SLIT3: variants seen among roughly 807,000 people sequenced by gnomAD.
SLIT3 encodes slit homolog 3 protein.
Under a neutral mutation model 184.0 loss-of-function variants are expected in SLIT3, and 68 were observed. The observed-to-expected ratio is 0.37, with a 90% CI of 0.30 to 0.45. The LOEUF (loss-of-function observed/expected upper bound fraction) is 0.45. SLIT3 is among the 20% of genes least tolerant of loss of function. The probability of loss-of-function intolerance (pLI) is 1.00; values close to 1 mark genes in which losing one functional copy is unlikely to be tolerated. For missense variants in SLIT3, 1,707 were observed against 2,026.0 expected, an observed-to-expected ratio of 0.84 and a Z score of 3.02; for synonymous variants, 831 against 828.6, an observed-to-expected ratio of 1.00 and a Z score of -0.05.
At chr5:168,693,145 A>T (rs1053955222) in intron 28 of SLIT3, among the ~76,000 whole-genome samples, 1 of 152,206 alleles carries the variant, frequency 6.6e-6, no homozygotes, top group African/African-American at 2.4e-5. Context: ...TCCTACCCAC[A>T]GCCTATTTGG....
At chr5:168,985,447 G>T (rs575248353) in intron 4 of SLIT3, among the ~76,000 whole-genome samples, 1 of 152,278 alleles carries the variant, frequency 6.6e-6, no homozygotes, top group South Asian at 2.1e-4. Context: ...TCCTGGTGAT[G>T]ACAAACCAAG....
chr5:168,954,373 A>G (rs7721721), intron 4 of SLIT3, among the ~76,000 whole-genome samples: 73,207 of 151,772 alleles, frequency 0.48, 18,825 homozygotes, highest in African/African-American at 0.67. Flanking sequence ...TATAATGAAT[A>G]GCAATTATTT....
At chr5:169,166,358 T>C (rs1052711562) in intron 4 of SLIT3, among the ~76,000 whole-genome samples, 1 of 152,066 alleles carries the variant, frequency 6.6e-6, no homozygotes, top group Non-Finnish European at 1.5e-5. Flanking sequence ...AGCGGGCACA[T>C]CAAGGCCCAT....
intron 22 of SLIT3, among the ~76,000 whole-genome samples, 167 bp from the exon 23 acceptor site, chr5:168,722,494 G>A (rs549740324): frequency 3.9e-5 from 6 of 152,308 alleles, no homozygotes; most frequent in Non-Finnish European, 8.8e-5. Context: ...TCCAGGAAGC[G>A]CACTGGCTTT....
chr5:168,755,389 A>ATTTCTTTCTTTCCTTTCTTTCTTTC (rs1754860152), intron 16 of SLIT3, among the ~76,000 whole-genome samples: 1 of 133,640 alleles, frequency 7.5e-6, no homozygotes, highest in Non-Finnish European at 1.7e-5. Context: ...CAGTGCCGCC[A>ATTTCTTTCTTTCCTTTCTTTCTTTC]TTTCTTTCTT....
intron 8 of SLIT3, among the ~76,000 whole-genome samples, chr5:168,812,266 A>G (rs923147938): frequency 6.6e-6 from 1 of 152,176 alleles, no homozygotes; most frequent in Non-Finnish European, 1.5e-5. Flanking sequence ...GTTAGAGAGG[A>G]GTGAGTTGTG....
At chr5:168,919,647 A>ATT (rs1562006511) in intron 4 of SLIT3, among the ~76,000 whole-genome samples, 5 of 151,658 alleles carry the variant, frequency 3.3e-5, no homozygotes, top group Non-Finnish European at 4.4e-5. Context: ...ATTTTTTTAA[A>ATT]AAAAAAACAA....
At chr5:168,727,936 G>A (rs1239656251) in intron 20 of SLIT3, among the ~76,000 whole-genome samples, 2 of 152,142 alleles carry the variant, frequency 1.3e-5, no homozygotes, top group Non-Finnish European at 2.9e-5. Flanking sequence ...AGGAGCTGGA[G>A]GAATGAGCAG....
At chr5:169,185,776 C>T (rs1263584799) in intron 4 of SLIT3, among the ~76,000 whole-genome samples, 1 of 152,160 alleles carries the variant, frequency 6.6e-6, no homozygotes, top group Non-Finnish European at 1.5e-5. Context: ...GATAAGGGAG[C>T]TAGCATTTAC....
intron 4 of SLIT3, among the ~76,000 whole-genome samples, chr5:169,000,867 C>A (rs1369001439): frequency 6.6e-6 from 1 of 152,142 alleles, no homozygotes; most frequent in Non-Finnish European, 1.5e-5. Flanking sequence ...ACTAGATGTT[C>A]TTTTTTGGGG....
chr5:169,064,303 T>G (rs1200983652), intron 4 of SLIT3, among the ~76,000 whole-genome samples: 1 of 152,224 alleles, frequency 6.6e-6, no homozygotes, highest in Non-Finnish European at 1.5e-5. Context: ...AGCCACTGCC[T>G]CTTAATTCTT....
chr5:168,762,454 C>T, intron 15 of SLIT3, 85 bp downstream of exon 15: 2 of 1,459,514 alleles, frequency 1.4e-6, no homozygotes, highest in Non-Finnish European at 1.9e-6. Flanking sequence ...AGGAAGGGGT[C>T]ACCGCCAGGA....
intron 4 of SLIT3, among the ~76,000 whole-genome samples, chr5:168,939,235 G>C (rs1762258559): frequency 6.6e-6 from 1 of 152,206 alleles, no homozygotes; most frequent in Admixed American, 6.5e-5. Flanking sequence ...AGGGCCTTCA[G>C]GTATCACCGC....
intron 4 of SLIT3, among the ~76,000 whole-genome samples, chr5:168,979,553 G>A (rs1581264347): frequency 6.6e-6 from 1 of 152,268 alleles, no homozygotes; most frequent in South Asian, 2.1e-4. Context: ...ATTACACAAA[G>A]AAAGTTCTCT....
intron 4 of SLIT3, among the ~76,000 whole-genome samples, chr5:169,010,950 C>G (rs72826545): frequency 2.0e-5 from 3 of 151,008 alleles, no homozygotes; most frequent in African/African-American, 7.3e-5. Flanking sequence ...GAGTGCTTTA[C>G]AGTATGAAGC....
intron 6 of SLIT3, among the ~76,000 whole-genome samples, chr5:168,834,459 A>C (rs1043692697): frequency 2.6e-5 from 4 of 152,032 alleles, no homozygotes; most frequent in African/African-American, 9.7e-5. Context: ...TGGGAGGCAG[A>C]GGCGGGCGGA....
intron 4 of SLIT3, among the ~76,000 whole-genome samples, chr5:169,155,110 G>A (rs1426702700): frequency 6.6e-6 from 1 of 152,210 alleles, no homozygotes; most frequent in South Asian, 2.1e-4. Flanking sequence ...ACAATAAGTT[G>A]CAGTTTTTGG....
chr5:169,300,463 C>G lies in SLIT3; in HGVS notation c.197+50G>C. On this transcript the variant is annotated intron_variant, in intron 1 of 35. Transcript: ENST00000519560. This position sits in a 1 kb window ranked among gnomAD's most constrained non-coding sequence, Gnocchi z 4.1. Reference sequence around the variant, plus strand: ...ACGGATCTGGCGCCTGGGGCCCCCTCGGTGGGACCCAGGTGGGTGGCCCGC... The same window carrying G: ...ACGGATCTGGCGCCTGGGGCCCCCTGGGTGGGACCCAGGTGGGTGGCCCGC... The G allele has an allele frequency of 7.1e-7, 1 of 1,402,118 alleles. No individual in the cohort carries two copies. The highest frequency in any genetic ancestry group is 9.3e-7 in the Non-Finnish European group (1 of 1,079,802). The allele number at this position is 1,402,118 out of a possible 1,614,324, so 86.9% of individuals were successfully genotyped here.
chr5:169,111,380 C>T (rs1261728418), intron 4 of SLIT3, among the ~76,000 whole-genome samples: 1 of 152,192 alleles, frequency 6.6e-6, no homozygotes, highest in Non-Finnish European at 1.5e-5. Context: ...GGCTTTGGGG[C>T]CATACTCAAC....
Sources: gnomAD v4.1 joint callset for allele counts (sites outside exome capture counted in the v4.1 genomes callset) on GRCh38, gnomAD v4.1.1 for gene constraint, Gnocchi (gnomAD v3.1) non-coding constraint, MANE v1.5 for transcripts, NCBI Gene and HGNC (gene_info 2026-07-23, HGNC 2026-07-21) for gene names.